The following CORO1B variants were observed in gnomAD, a reference collection of about 807,000 sequenced individuals.
The protein encoded by CORO1B is coronin 1B, also known as coronin-1B.
In CORO1B, 30 loss-of-function variants were observed where a neutral mutation model predicts 51.1. The ratio of observed to expected loss-of-function variants is 0.59; its 90% CI spans 0.44 to 0.80. The LOEUF (loss-of-function observed/expected upper bound fraction) is 0.80, where lower values mean the gene tolerates loss of function less well. Among genes scored for constraint, CORO1B ranks in the 30% least tolerant of loss-of-function variants. The pLI is 0.00. For missense variants in CORO1B, 648 were observed against 700.4 expected, an observed-to-expected ratio of 0.93 and a Z score of 0.84; for synonymous variants, 310 against 289.7, an observed-to-expected ratio of 1.07 and a Z score of -0.71.
In CORO1B at chr11:67,437,611, G is replaced by T. The variant is rs544974953; in HGVS notation, c.*765C>A. ...TCCCAAGAACCCGGGGGGCTCCGAG[G>T]CTTACCATTGGTCCGCAGGCCCCTC... On this transcript the variant is annotated 3_prime_UTR_variant, in exon 11 of 11. Coordinates refer to ENST00000341356, the MANE Select transcript of CORO1B (RefSeq NM_020441.3). 14 of 1,362,354 alleles carry T rather than the reference G, an allele frequency of 1.0e-5. No individual in the cohort carries two copies. In the African/African-American group the frequency reaches 1.8e-4, roughly 17 times the overall value. The allele number at this position is 1,362,354 out of a possible 1,614,324, so 84.4% of individuals were successfully genotyped here.
At position 67,437,993 on chromosome 11, in the gene CORO1B, C is replaced by T; in HGVS notation, c.*383G>A. 2.8e-6 allele frequency: 1 copy of T among 353,306 alleles called. No homozygotes were observed. The highest frequency in any genetic ancestry group is 4.3e-5 in the East Asian group (1 of 23,268). 21.9% of individuals were successfully genotyped at this position (353,306 alleles called of 1,614,324 possible). On this transcript the variant is annotated 3_prime_UTR_variant, in exon 11 of 11. Transcript: ENST00000341356. Reference sequence around the variant, plus strand: ...ACATGTGTGACTCCTGTGACATCCTCTGTCTCCAGGTTTCCAGACTTCTCA... The same window carrying T: ...ACATGTGTGACTCCTGTGACATCCTTTGTCTCCAGGTTTCCAGACTTCTCA...
In CORO1B at chr11:67,436,045, G is replaced by T. The variant is rs770872444; in HGVS notation, c.*2331C>A. 2 of 1,613,510 alleles carry T rather than the reference G, an allele frequency of 1.2e-6. No individual in the cohort carries two copies. The highest frequency in any genetic ancestry group is 1.7e-6 in the Non-Finnish European group (2 of 1,179,856). The stretch of plus-strand genomic sequence containing the variant: ...CCTGCTCATCCTCCTGTCGCTCAAG[G>T]TCATTGTCTGTGGACCCCAGCTCAG... On this transcript the variant is annotated 3_prime_UTR_variant, in exon 11 of 11. Coordinates refer to ENST00000341356, the MANE Select transcript of CORO1B (RefSeq NM_020441.3).
rs199982791 is a variant in CORO1B at position 67,439,806 on chromosome 11, C to T, written c.1045G>A (p.Val349Ile). The change falls in exon 9 of 11, where the codon GTC (valine) becomes ATC (isoleucine). Residue 349 changes from valine to isoleucine, a missense_variant. Val to Ile is a conservative substitution (Grantham distance 29). Transcript: ENST00000341356. ...KLHERKCEPI[V>I]MTVPRKSDLF... ...CTCACCTTTCTTGGCACAGTCATGA[C>T]GATGGGCTCACACTTGCGCTCATGC... 626 of 1,590,216 alleles carry T rather than the reference C, an allele frequency of 3.9e-4. 1 individual carries two copies. Among genetic ancestry groups the T allele is most frequent in the Non-Finnish European group, 9.8e-5 (114 of 1,168,806 alleles).
rs1168107587 is a variant in CORO1B, at chr11:67,439,776, G to A, written c.1065+10C>T. 1.9e-6 allele frequency: 3 copies of A among 1,582,106 alleles called. No homozygotes were observed. Among genetic ancestry groups the A allele is most frequent in the Admixed American group, 3.7e-5 (2 of 54,444 alleles). On this transcript the variant is annotated intron_variant, in intron 9 of 10. Transcript: ENST00000341356. ...AAGGGCCAAGTGAGCCGAGGGACGG[G>A]CGGCCTCACCTTTCTTGGCACAGTC...
chr11:67,440,960 G>C, intron 6 of CORO1B, 165 bp downstream of exon 6: 2 of 963,548 alleles, frequency 2.1e-6, no homozygotes, highest in East Asian at 2.6e-5. Flanking sequence ...GCAGTCGGGC[G>C]AGCAGGGGGC....
Position 67,440,364 on chromosome 11 carries a change from C to T in CORO1B, c.832G>A (p.Asp278Asn), listed in dbSNP as rs138117648. ...CCGCAGACGTAGACCACACTGGTGT[C>T]GGGGTCGTAGAAGGGCAGCAGGGCC... The part of the protein sequence containing the change: ...NGALLPFYDP[D>N]TSVVYVCGKG... The change falls in exon 7 of 11, where the codon GAC (aspartate) becomes AAC (asparagine). Residue 278 changes from aspartate to asparagine, a missense_variant. Coordinates refer to ENST00000341356, the MANE Select transcript of CORO1B (RefSeq NM_020441.3). 1.7e-5 allele frequency: 27 copies of T among 1,613,688 alleles called. No individual in the cohort carries two copies. The highest frequency in any genetic ancestry group is 4.0e-5 in the African/African-American group (3 of 74,922).
At chr11:67,443,691 G>A (rs1864441987), upstream of CORO1B, 5 of 976,408 alleles carry the variant, frequency 5.1e-6, no homozygotes, top group African/African-American at 3.5e-5. Context: ...AGAAGGGGGC[G>A]GGGCGGGGCA....
At position 67,441,176 on chromosome 11, in the gene CORO1B, G is replaced by A; in HGVS notation, c.705C>T (p.Phe235=). 6.2e-7 allele frequency: 1 copy of A among 1,613,166 alleles called. No homozygotes were observed. Among genetic ancestry groups the A allele is most frequent in the Non-Finnish European group, 8.5e-7 (1 of 1,180,014 alleles). The change falls in exon 6 of 11, where the codon TTC becomes TTT. Residue 235 remains phenylalanine, a synonymous_variant. Coordinates refer to ENST00000341356, the MANE Select transcript of CORO1B (RefSeq NM_020441.3). ...CGCTCATTCGGCTGAAGCCTGTGGT[G>A]AACACCTTGCCATCTGCCAGGAAGA... ...RAIFLADGKV[F]TTGFSRMSER... is the part of the protein sequence containing the mutation.
Position 67,436,099 on chromosome 11 carries a change from G to A in CORO1B, c.*2277C>T, listed in dbSNP as rs763892132. On this transcript the variant is annotated 3_prime_UTR_variant, in exon 11 of 11. Transcript: ENST00000341356. ...GGGCCTGCAGCCAGCGACCTGGGGG[G>A]CTGGCCCAGAGCAGGCGCCGCGTGC... The A allele has an allele frequency of 5.6e-6, 9 of 1,609,402 alleles. No homozygotes were observed. The highest frequency in any genetic ancestry group is 7.6e-6 in the Non-Finnish European group (9 of 1,178,238).
Position 67,435,791 on chromosome 11 carries a change from G to T in CORO1B, c.*2585C>A. 1 of 1,588,758 alleles carries T rather than the reference G, an allele frequency of 6.3e-7. No individual in the cohort carries two copies. On this transcript the variant is annotated 3_prime_UTR_variant, in exon 11 of 11. Coordinates refer to ENST00000341356, the MANE Select transcript of CORO1B (RefSeq NM_020441.3). Reference sequence around the variant, plus strand: ...AGCTGCCCTGGCGCTGTCATCCCAGGCTGCGCTGCCAGCAAAGGCGTGCAG... The same window carrying T: ...AGCTGCCCTGGCGCTGTCATCCCAGTCTGCGCTGCCAGCAAAGGCGTGCAG...
Position 67,435,918 on chromosome 11 carries a change from G to A in CORO1B, c.*2458C>T, listed in dbSNP as rs150223900. Reference sequence around the variant, plus strand: ...TCACTGTCTCTGGCTTCCTCAGCCCGCACGGGGACCTGCTCTGGGCTGGAC... The same window carrying A: ...TCACTGTCTCTGGCTTCCTCAGCCCACACGGGGACCTGCTCTGGGCTGGAC... On this transcript the variant is annotated 3_prime_UTR_variant, in exon 11 of 11. Transcript: ENST00000341356. 7.8e-4 allele frequency: 1,261 copies of A among 1,612,782 alleles called. 5 individuals carry two copies. Among genetic ancestry groups the A allele is most frequent in the Non-Finnish European group, 8.8e-4 (1,037 of 1,179,702 alleles).
At chr11:67,440,522 T>C in intron 6 of CORO1B, 83 bp from the exon 7 acceptor site, 1 of 1,287,486 alleles carries the variant, frequency 7.8e-7, no homozygotes, top group South Asian at 1.2e-5. Flanking sequence ...CTGGCCTCAC[T>C]AAGGCCAGCC....
In CORO1B at chr11:67,436,552, T is replaced by TACCACTCACCTCCCC. The variant is rs1864285286; in HGVS notation, c.*1809_*1823dup. ...GCCCCCATCCCTCCAGCCTCCTCCC[T>TACCACTCACCTCCCC]ACCACTCACCTCCCCCAACAGCTGC... On this transcript the variant is annotated 3_prime_UTR_variant, in exon 11 of 11. Transcript: ENST00000341356. The TACCACTCACCTCCCC allele has an allele frequency of 3.8e-6, 2 of 519,992 alleles. No homozygotes were observed. Among genetic ancestry groups the TACCACTCACCTCCCC allele is most frequent in the South Asian group, 8.8e-5 (2 of 22,698 alleles). The allele number at this position is 519,992 out of a possible 1,614,324, so 32.2% of individuals were successfully genotyped here.
intron 4 of CORO1B, 67 bp from the exon 5 acceptor site, chr11:67,441,581 G>A: frequency 6.4e-7 from 1 of 1,569,056 alleles, no homozygotes; most frequent in Non-Finnish European, 8.6e-7. Flanking sequence ...ACCAGGCTGA[G>A]GCCCACTCTG....
At chr11:67,440,462 G>C in intron 6 of CORO1B, 23 bp from the exon 7 acceptor site, 1 of 1,609,478 alleles carries the variant, frequency 6.2e-7, no homozygotes, top group Non-Finnish European at 8.5e-7. Context: ...AGGCAGTCAG[G>C]CCAAGCAGAA....
intron 6 of CORO1B, chr11:67,440,801 G>GCTGGAGGAGGAGGCTTT (rs1156746088): frequency 1.5e-6 from 1 of 649,640 alleles, no homozygotes; most frequent in Non-Finnish European, 2.8e-6. Flanking sequence ...CAGGAGGCTT[G>GCTGGAGGAGGAGGCTTT]CTGGAGGAGG....
At chr11:67,443,775 G>GT, upstream of CORO1B, 1 of 985,300 alleles carries the variant, frequency 1.0e-6, no homozygotes, top group Non-Finnish European at 1.2e-6. Flanking sequence ...GCCCCTTCGC[G>GT]TTCTTGCTCC....
Position 67,435,855 on chromosome 11 carries a change from C to T in CORO1B, c.*2521G>A, listed in dbSNP as rs1216793327. The T allele has an allele frequency of 1.9e-6, 3 of 1,610,348 alleles. No homozygotes were observed. Among genetic ancestry groups the T allele is most frequent in the Non-Finnish European group, 2.5e-6 (3 of 1,179,428 alleles). On this transcript the variant is annotated 3_prime_UTR_variant, in exon 11 of 11. Transcript: ENST00000341356. ...GCCTCAGCACTGCCCCCTGCGCTCG[C>T]TGGTCCTGGGGAGCCGAGGACCAGG...
At position 67,441,748 on chromosome 11, in the gene CORO1B, C is replaced by A; in HGVS notation, c.439G>T (p.Val147Leu). Residue 147 changes from valine (V) to leucine (L), a missense_variant, in exon 4 of 11, where the codon GTG (valine) becomes TTG (leucine). Coordinates refer to ENST00000341356, the MANE Select transcript of CORO1B (RefSeq NM_020441.3). ...CGGTGCAGACCTGCACTGAGCAGCA[C>A]GTTTCGGGCCGTGGGGTGCCAGGCG... The part of the protein sequence containing the change: ...IIAWHPTARN[V>L]LLSAGCDNVV... 6.2e-7 allele frequency: 1 copy of A among 1,611,202 alleles called. No individual in the cohort carries two copies. The highest frequency in any genetic ancestry group is 2.2e-5 in the East Asian group (1 of 44,764).
Sources: allele counts gnomAD v4.1 joint callset, GRCh38; gene constraint gnomAD v4.1.1; transcripts MANE v1.5; gene names NCBI Gene and HGNC (gene_info 2026-07-23, HGNC 2026-07-21).